The following CDHR2 variants were observed in gnomAD, a reference collection of about 807,000 sequenced individuals.
CDHR2 encodes the protein cadherin related family member 2, also known as cadherin-related family member 2.
CDHR2 carries 104 observed loss-of-function variants against 138.6 expected under a neutral mutation model. That is an observed-to-expected ratio of 0.75 (90% CI 0.64 to 0.88). CDHR2 has a LOEUF of 0.88. Ranked by LOEUF, CDHR2 falls within the 40% of genes least tolerant of loss-of-function variation. The probability of loss-of-function intolerance (pLI) is 0.00; values close to 1 mark genes in which losing one functional copy is unlikely to be tolerated. For synonymous variants in CDHR2, 755 were observed against 742.8 expected (o/e 1.02, Z -0.27); for missense variants, 1,624 against 1,727.6 (o/e 0.94, Z 1.06).
In CDHR2 at chr5:176,565,753, G is replaced by C. The variant is rs146565963; in HGVS notation, c.124+10G>C. On this transcript the variant is annotated intron_variant, in intron 3 of 31. Coordinates refer to ENST00000261944, the MANE Select transcript of CDHR2 (RefSeq NM_017675.6). Reference sequence around the variant, plus strand: ...GAGGACCTGCCTGTGGGTGAGTCCCGGTCCCTGTGTCTGCCCCATGTCAGG... The same window carrying C: ...GAGGACCTGCCTGTGGGTGAGTCCCCGTCCCTGTGTCTGCCCCATGTCAGG... 1.4e-3 allele frequency: 2,256 copies of C among 1,611,098 alleles called. 8 individuals are homozygous for C. In the Middle Eastern group the frequency reaches 0.019, roughly 13 times the overall value.
chr5:176,588,769 G>A (rs933703671), intron 21 of CDHR2, among the ~76,000 whole-genome samples: 1 of 152,010 alleles, frequency 6.6e-6, no homozygotes, highest in East Asian at 1.9e-4. Flanking sequence ...AGGGGGAGCA[G>A]GGCAGGATTT....
rs1758453379 is a variant in CDHR2 at position 176,578,450 on chromosome 5, T to A, written c.1660T>A (p.Tyr554Asn). Residue 554 changes from tyrosine to asparagine, a missense_variant, in exon 16 of 32, where the codon TAC becomes AAC. Around this residue, in one of 3 missense-constraint regions of CDHR2, gnomAD observed 1,061 missense variants for 1,136.6 expected, o/e 0.93. Transcript: ENST00000261944. ...ELLDRESQAV[Y>N]YLTLQATDGG... is the part of the protein sequence containing the mutation. ...GCTGGACCGGGAGAGCCAGGCCGTG[T>A]ACTACCTGACGCTGCAGGCCACAGA... The A allele has an allele frequency of 6.2e-7, 1 of 1,613,886 alleles. No individual in the cohort carries two copies.
At chr5:176,551,082 C>T (rs967699607) in intron 1 of CDHR2, among the ~76,000 whole-genome samples, 3 of 152,212 alleles carry the variant, frequency 2.0e-5, no homozygotes, top group African/African-American at 7.2e-5. Context: ...TATCTCGGCT[C>T]ACTGCAACCT....
chr5:176,559,852 A>G (rs377028633), intron 1 of CDHR2, among the ~76,000 whole-genome samples: 5 of 152,118 alleles, frequency 3.3e-5, no homozygotes, highest in East Asian at 3.9e-4. Context: ...GGCTGTTGCA[A>G]CTTGGGGGTT....
rs1757699600 is a variant in CDHR2, at chr5:176,551,327, C to G, written c.-16+1913C>G. On this transcript the variant is annotated intron_variant, in intron 1 of 31. Coordinates refer to ENST00000261944, the MANE Select transcript of CDHR2 (RefSeq NM_017675.6). ...GGATTACAGGTGTGCGCCACCATGC[C>G]TGGCTAATTTTTGTATTTTTAGTAG... is the stretch of plus-strand genomic sequence containing the variant. Among the ~76,000 whole-genome samples, 3 of 152,180 alleles carry G rather than the reference C, an allele frequency of 2.0e-5. No homozygotes were observed. The South Asian group carries it at 6.2e-4, about 32-fold the overall frequency.
At chr5:176,552,428 G>A (rs1757726511) in intron 1 of CDHR2, among the ~76,000 whole-genome samples, 1 of 152,242 alleles carries the variant, frequency 6.6e-6, no homozygotes, top group East Asian at 1.9e-4. Context: ...GACCTCAGGA[G>A]TGGGAGAGAG....
At position 176,577,489 on chromosome 5, in the gene CDHR2, G is replaced by A. The variant is rs34827556; in HGVS notation, c.1285G>A (p.Val429Ile). 153 of 1,611,628 alleles carry A rather than the reference G, an allele frequency of 9.5e-5. No homozygotes were observed. The highest frequency in any genetic ancestry group is 4.9e-4 in the Middle Eastern group (3 of 6,074). Reference sequence around the variant, plus strand: ...GGAGCGGGCAGTGGGCTCAGCCTCCGTTCAGGTGCTGGTGAGAGTATCCGC... The same window carrying A: ...GGAGCGGGCAGTGGGCTCAGCCTCCATTCAGGTGCTGGTGAGAGTATCCGC... The part of the protein sequence containing the change: ...SPERAVGSAS[V>I]QVLVRVSALV... Residue 429 changes from valine to isoleucine, a missense_variant, in exon 13 of 32, where the codon GTT (valine) becomes ATT (isoleucine). Val to Ile is a conservative substitution (Grantham distance 29). Transcript: ENST00000261944.
chr5:176,591,174 C>T (rs1758832675), intron 28 of CDHR2, 36 bp from the exon 29 acceptor site: 2 of 1,424,822 alleles, frequency 1.4e-6, no homozygotes, highest in Admixed American at 1.7e-5. Flanking sequence ...AACAGGTGTG[C>T]AGCAACAGTG....
chr5:176,555,937 C>CTGTTTTT (rs1757811703), intron 1 of CDHR2, among the ~76,000 whole-genome samples: 1 of 152,072 alleles, frequency 6.6e-6, no homozygotes, highest in Non-Finnish European at 1.5e-5. Context: ...AAATGACCTA[C>CTGTTTTT]TGTTTTTTGT....
Position 176,575,137 on chromosome 5 carries a change from C to T in CDHR2, c.549C>T (p.Gly183=), listed in dbSNP as rs1287336744. The change falls in exon 8 of 32, where the codon GGC becomes GGT. Residue 183 remains glycine (G), a synonymous_variant. Transcript: ENST00000261944. The part of the protein sequence containing the change: ...SEHLFRILAN[G]SIVLNGSLSY... ...ATCTCTTCCGGATCCTGGCCAATGG[C>T]TCCATAGTCCTCAATGGCAGCCTCA... 9.9e-6 allele frequency: 16 copies of T among 1,614,076 alleles called. No individual in the cohort carries two copies. Among genetic ancestry groups the T allele is most frequent in the Non-Finnish European group, 1.3e-5 (15 of 1,180,036 alleles).
chr5:176,568,819 TAA>T lies in CDHR2; in HGVS notation c.264+4_264+5del. The T allele has an allele frequency of 1.2e-6, 2 of 1,613,932 alleles. No homozygotes were observed. The highest frequency in any genetic ancestry group is 1.7e-6 in the Non-Finnish European group (2 of 1,179,946). ...CTGGCCAGCGCTCTGGACTACGAGG[TAA>T]AGAGCATCAGCCGGAGAGGGCACGG... On this transcript the variant is annotated splice_donor_region_variant and intron_variant, in intron 4 of 31. Transcript: ENST00000261944.
intron 21 of CDHR2, among the ~76,000 whole-genome samples, chr5:176,587,107 G>T (rs1203586971): frequency 6.6e-6 from 1 of 152,206 alleles, no homozygotes; most frequent in African/African-American, 2.4e-5. Flanking sequence ...GTAATACAGA[G>T]AACTCATAGC....
At chr5:176,560,738 T>G (rs1040965197) in intron 1 of CDHR2, among the ~76,000 whole-genome samples, 1 of 152,208 alleles carries the variant, frequency 6.6e-6, no homozygotes, top group South Asian at 2.1e-4. Context: ...CAGTAACTAT[T>G]TACTGAGGGA....
chr5:176,567,138 C>A, intron 3 of CDHR2: 1 of 395,084 alleles, frequency 2.5e-6, no homozygotes, highest in South Asian at 1.8e-5. Flanking sequence ...TCATGTCTAT[C>A]CCATGGAGGC....
chr5:176,571,442 C>G (rs1758227492), intron 6 of CDHR2, 140 bp downstream of exon 6: 1 of 523,374 alleles, frequency 1.9e-6, no homozygotes, highest in Admixed American at 3.8e-5. Flanking sequence ...AGAACCAAAG[C>G]CAGGGGGATG....
At chr5:176,582,155 G>A (rs1758547737) in intron 17 of CDHR2, among the ~76,000 whole-genome samples, 1 of 151,948 alleles carries the variant, frequency 6.6e-6, no homozygotes, top group Non-Finnish European at 1.5e-5. Context: ...TGAGTAGTTG[G>A]GACTATAGGC....
chr5:176,578,584 G>A lies in CDHR2; in HGVS notation c.1794G>A (p.Glu598=). Reference sequence around the variant, plus strand: ...ACAACATCTTCGTCCAGGAGGAGGAGGGCAATGTCTCCGTGACCATCCAGG... The same window carrying A: ...ACAACATCTTCGTCCAGGAGGAGGAAGGCAATGTCTCCGTGACCATCCAGG... The part of the protein sequence containing the change: ...GSYNIFVQEE[E]GNVSVTIQAH... Residue 598 remains glutamate, a synonymous_variant, in exon 16 of 32, where the codon GAG becomes GAA. Transcript: ENST00000261944. 6.2e-7 allele frequency: 1 copy of A among 1,612,778 alleles called. No individual in the cohort carries two copies. The highest frequency in any genetic ancestry group is 8.5e-7 in the Non-Finnish European group (1 of 1,180,012).
intron 1 of CDHR2, among the ~76,000 whole-genome samples, chr5:176,556,472 C>T (rs2113260245): frequency 6.6e-6 from 1 of 152,288 alleles, no homozygotes; most frequent in East Asian, 1.9e-4. Context: ...CGAGACCATC[C>T]CGGCTAACAT....
chr5:176,590,286 T>C lies in CDHR2; in HGVS notation c.3309T>C (p.Phe1103=), dbSNP rs756844066. The change falls in exon 26 of 32, where the codon TTT becomes TTC. Residue 1103 remains phenylalanine, a synonymous_variant. Coordinates refer to ENST00000261944, the MANE Select transcript of CDHR2 (RefSeq NM_017675.6). ...CTCACTCCTACCTCGATGCCTACTT[T>C]GTCTTCCCCAATGGGTCAGCCCTGA... ...ARPHSYLDAY[F]VFPNGSALTL... 3.1e-6 allele frequency: 5 copies of C among 1,614,052 alleles called. No homozygotes were observed. In the African/African-American group the frequency reaches 6.7e-5, roughly 22 times the overall value.
Sources: gnomAD v4.1 joint callset for allele counts (sites outside exome capture counted in the v4.1 genomes callset) on GRCh38, gnomAD v4.1.1 for gene constraint, gnomAD v4.1.1 regional missense constraint, MANE v1.5 for transcripts, NCBI Gene and HGNC (gene_info 2026-07-23, HGNC 2026-07-21) for gene names.